Variants in NEK4 observed in about 807,000 individuals in gnomAD.
NEK4 encodes the protein serine/threonine-protein kinase Nek4.
In NEK4, 86 loss-of-function variants were observed where a neutral mutation model predicts 98.4. That is an observed-to-expected ratio of 0.87 (90% confidence interval 0.73 to 1.05). NEK4 has a LOEUF of 1.05. NEK4 is among the 50% of genes least tolerant of loss of function. The pLI, the probability that NEK4 is intolerant of heterozygous loss-of-function variation, is 0.00. For missense variants in NEK4, 898 were observed against 950.3 expected, an observed-to-expected ratio of 0.94 and a Z score of 0.72; for synonymous variants, 328 against 342.2, an observed-to-expected ratio of 0.96 and a Z score of 0.46.
chr3:52,739,639 G>A lies in NEK4; in HGVS notation c.2094-5C>T, dbSNP rs140128343. The A allele has an allele frequency of 2.0e-4, 317 of 1,604,222 alleles. 1 individual carries two copies. In the African/African-American group the frequency reaches 3.9e-3, roughly 19 times the overall value. ...ATTTCATTTGTCTGACCTTTCCTGG[G>A]GGAAAAAAATATCCCTTTGTTATTT... On this transcript the variant is annotated splice_polypyrimidine_tract_variant and splice_region_variant and intron_variant, in intron 13 of 15. Transcript: ENST00000233027.
chr3:52,764,790 A>G (rs985265871), intron 4 of NEK4, among the ~76,000 whole-genome samples: 1 of 152,080 alleles, frequency 6.6e-6, no homozygotes, highest in African/African-American at 2.4e-5. Context: ...ACACACACAC[A>G]CACACACACA....
At chr3:52,769,473 T>C (rs1172506091) in intron 1 of NEK4, among the ~76,000 whole-genome samples, 2 of 152,188 alleles carry the variant, frequency 1.3e-5, no homozygotes, top group South Asian at 4.1e-4. Context: ...GACCATACAA[T>C]TCATTTCTTC....
chr3:52,747,974 T>G (rs949063609), intron 8 of NEK4, among the ~76,000 whole-genome samples: 1 of 151,942 alleles, frequency 6.6e-6, no homozygotes, highest in Admixed American at 6.6e-5. Context: ...ATTTAATTTT[T>G]TTTGAGACAG....
intron 15 of NEK4, among the ~76,000 whole-genome samples, chr3:52,728,504 A>C (rs1459625874): frequency 6.6e-6 from 1 of 152,222 alleles, no homozygotes; most frequent in African/African-American, 2.4e-5. Flanking sequence ...TTATCTTCAT[A>C]AGATGAGGAT....
intron 15 of NEK4, among the ~76,000 whole-genome samples, chr3:52,724,520 T>A (rs1479875373): frequency 6.6e-6 from 1 of 150,784 alleles, no homozygotes; most frequent in African/African-American, 2.5e-5. Flanking sequence ...ATCTTCCCTA[T>A]CAGAAATATT....
intron 12 of NEK4, among the ~76,000 whole-genome samples, chr3:52,742,903 C>T (rs2097389150): frequency 6.6e-6 from 1 of 152,202 alleles, no homozygotes; most frequent in Non-Finnish European, 1.5e-5. Flanking sequence ...GATCCTTCCA[C>T]CTCAGCCTCC....
Position 52,752,336 on chromosome 3 carries a change from C to T in NEK4, c.964G>A (p.Gly322Ser). The change falls in exon 7 of 16, where the codon GGT (glycine) becomes AGT (serine). Residue 322 changes from glycine (G) to serine (S), a missense_variant and splice_region_variant. Transcript: ENST00000233027. ...SSEGSQTYIM[G>S]EGKCLSQEKP... ...TCCTGGGACAAACATTTGCCTTCAC[C>T]CTGAATGAAAAGATGTTTGGAAATT... 6.2e-7 allele frequency: 1 copy of T among 1,606,818 alleles called. No individual in the cohort carries two copies. Among genetic ancestry groups the T allele is most frequent in the Non-Finnish European group, 8.5e-7 (1 of 1,176,308 alleles).
At chr3:52,746,652 C>G (rs1249511759) in intron 9 of NEK4, 82 bp downstream of exon 9, 1 of 1,238,594 alleles carries the variant, frequency 8.1e-7, no homozygotes. Context: ...TTCTTACATG[C>G]CTTTTTGGCA....
intron 2 of NEK4, 28 bp downstream of exon 2, chr3:52,768,310 G>C: frequency 6.3e-7 from 1 of 1,589,766 alleles, no homozygotes; most frequent in Non-Finnish European, 8.6e-7. Context: ...CTGGGAACAA[G>C]CTAGGATGCT....
chr3:52,729,309 T>C (rs780652351), intron 15 of NEK4, among the ~76,000 whole-genome samples: 21 of 152,188 alleles, frequency 1.4e-4, no homozygotes, highest in Non-Finnish European at 7.4e-5. Flanking sequence ...CTGGCCGACA[T>C]TTATGGAAAA....
At chr3:52,759,412 A>AT (rs397967910) in intron 6 of NEK4, among the ~76,000 whole-genome samples, 1 of 151,812 alleles carries the variant, frequency 6.6e-6, no homozygotes, top group Non-Finnish European at 1.5e-5. Flanking sequence ...AAAAAAAAAA[A>AT]GCAAAAGCTT....
At chr3:52,717,006 G>A (rs1236219391) in intron 15 of NEK4, among the ~76,000 whole-genome samples, 1 of 152,186 alleles carries the variant, frequency 6.6e-6, no homozygotes, top group East Asian at 1.9e-4. Context: ...GCCTGTTGTT[G>A]AGGCTATATT....
intron 15 of NEK4, among the ~76,000 whole-genome samples, chr3:52,731,277 T>A (rs1373840805): frequency 1.3e-5 from 2 of 152,208 alleles, no homozygotes; most frequent in African/African-American, 4.8e-5. Context: ...TCTCTCAATT[T>A]CTTTAAGACA....
At chr3:52,754,651 C>CA in intron 6 of NEK4, 1 of 675,126 alleles carries the variant, frequency 1.5e-6, no homozygotes. Context: ...AAGCCTGGCT[C>CA]AGTACAATCT....
At chr3:52,721,327 C>T (rs2097359863) in intron 15 of NEK4, among the ~76,000 whole-genome samples, 1 of 152,242 alleles carries the variant, frequency 6.6e-6, no homozygotes, top group Non-Finnish European at 1.5e-5. Context: ...CTCCCTCCCT[C>T]TAGCTGAAGT....
chr3:52,767,679 T>C (rs927910847), intron 2 of NEK4, among the ~76,000 whole-genome samples: 1 of 150,862 alleles, frequency 6.6e-6, no homozygotes, highest in African/African-American at 2.4e-5. Flanking sequence ...GATCGTGCCA[T>C]TGCACTCCAG....
At chr3:52,744,067 G>A (rs1444146580) in intron 11 of NEK4, among the ~76,000 whole-genome samples, 172 bp downstream of exon 11, 6 of 152,126 alleles carry the variant, frequency 3.9e-5, no homozygotes, top group Non-Finnish European at 5.9e-5. Flanking sequence ...AACACCCTAT[G>A]ATGATTTCTT....
chr3:52,738,717 T>C (rs1368792660), intron 14 of NEK4, among the ~76,000 whole-genome samples: 1 of 152,102 alleles, frequency 6.6e-6, no homozygotes, highest in East Asian at 1.9e-4. Context: ...TCCCAAAGTA[T>C]AGGCATGAGC....
At chr3:52,740,683 C>T (rs775313982) in intron 13 of NEK4, among the ~76,000 whole-genome samples, 10 of 151,938 alleles carry the variant, frequency 6.6e-5, no homozygotes, top group South Asian at 6.2e-4. Context: ...CCCAGCTACT[C>T]GGCGGGGCTG....
Sources: allele counts gnomAD v4.1 joint callset (sites outside exome capture counted in the v4.1 genomes callset), GRCh38; gene constraint gnomAD v4.1.1; transcripts MANE v1.5; gene names NCBI Gene and HGNC (gene_info 2026-07-23, HGNC 2026-07-21).